RBFOX3: variants seen among roughly 807,000 people sequenced by gnomAD.
RBFOX3 encodes the protein RNA binding protein fox-1 homolog 3.
A neutral mutation model predicts 48.7 loss-of-function variants in RBFOX3; 17 were observed. That is an observed-to-expected ratio of 0.35 (90% CI 0.24 to 0.52). The LOEUF (loss-of-function observed/expected upper bound fraction) is 0.52. Among genes scored for constraint, RBFOX3 ranks in the 20% least tolerant of loss-of-function variants. The probability of loss-of-function intolerance (pLI) is 0.94; values close to 1 mark genes in which losing one functional copy is unlikely to be tolerated. For missense variants in RBFOX3, 382 were observed against 497.5 expected (o/e 0.77, Z 2.21); for synonymous variants, 212 against 209.5 (o/e 1.01, Z -0.10).
chr17:79,238,711 C>T (rs1226897753), intron 3 of RBFOX3, among the ~76,000 whole-genome samples: 3 of 152,204 alleles, frequency 2.0e-5, no homozygotes, highest in African/African-American at 7.2e-5. Context: ...CTTGAGTTCT[C>T]TTAAATGTGT....
intron 2 of RBFOX3, among the ~76,000 whole-genome samples, chr17:79,463,487 G>T (rs879976257): frequency 2.1e-5 from 1 of 46,740 alleles, no homozygotes; most frequent in African/African-American, 6.8e-5. Flanking sequence ...CACTGCCATC[G>T]CCACTGCCAC....
Position 79,156,440 on chromosome 17 carries a change from G to A in RBFOX3, c.-33-40692C>T, listed in dbSNP as rs546141671. ...GAGGCCTGGCAGCCCCACACACTGC[G>A]GGGGCAGGGGAGAACCTCGCCTGAG... is the stretch of plus-strand genomic sequence containing the variant. On this transcript the variant is annotated intron_variant, in intron 4 of 14. Coordinates refer to ENST00000693108, the MANE Select transcript of RBFOX3 (RefSeq NM_001350451.2). Among the ~76,000 whole-genome samples, 92 of 152,208 alleles carry A rather than the reference G, an allele frequency of 6.0e-4. 1 individual carries two copies. Among genetic ancestry groups the A allele is most frequent in the African/African-American group, 2.0e-3 (83 of 41,528 alleles).
chr17:79,123,792 C>T (rs1031956870), intron 4 of RBFOX3, among the ~76,000 whole-genome samples: 5 of 152,138 alleles, frequency 3.3e-5, no homozygotes, highest in Non-Finnish European at 7.4e-5. Context: ...TTTGGCCAGC[C>T]CCCGCCTTCA....
intron 4 of RBFOX3, among the ~76,000 whole-genome samples, chr17:79,118,579 G>T (rs887280685): frequency 5.9e-5 from 9 of 152,104 alleles, no homozygotes; most frequent in Non-Finnish European, 1.2e-4. Flanking sequence ...TGCAGACACA[G>T]GGGAGATGAA....
intron 1 of RBFOX3, among the ~76,000 whole-genome samples, chr17:79,489,863 T>C (rs1426239696): frequency 1.3e-5 from 2 of 152,152 alleles, no homozygotes; most frequent in African/African-American, 4.8e-5. Context: ...ATCACCCCAA[T>C]TCCTCCTCAG....
At chr17:79,382,332 T>G (rs1294884151) in intron 2 of RBFOX3, among the ~76,000 whole-genome samples, 1 of 152,230 alleles carries the variant, frequency 6.6e-6, no homozygotes, top group Non-Finnish European at 1.5e-5. Flanking sequence ...TGGGGGGCTC[T>G]AGACCACTCC....
At chr17:79,295,561 T>C (rs904667484) in intron 3 of RBFOX3, among the ~76,000 whole-genome samples, 1 of 152,220 alleles carries the variant, frequency 6.6e-6, no homozygotes, top group Non-Finnish European at 1.5e-5. Flanking sequence ...ACTCAGGGTC[T>C]GAGTGCGGGC....
chr17:79,582,828 G>T (rs1225159658), intron 1 of RBFOX3, among the ~76,000 whole-genome samples: 4 of 149,820 alleles, frequency 2.7e-5, no homozygotes, highest in African/African-American at 4.9e-5. Flanking sequence ...TTCCTGGAAG[G>T]ACCTGAGTGG....
At position 79,610,826 on chromosome 17, in the gene RBFOX3, G is replaced by C. The variant is rs1306534103; in HGVS notation, c.-320C>G. 6.6e-6 allele frequency among the ~76,000 whole-genome samples: 1 copy of C among 151,784 alleles called. No individual in the cohort carries two copies. Among genetic ancestry groups the C allele is most frequent in the African/African-American group, 2.4e-5 (1 of 41,374 alleles). ...CGGGCGACGAGGCCAGGCTACTCAC[G>C]GGCTCAGCGCTCCCCGCGGCAGGTG... On this transcript the variant is annotated splice_region_variant and 5_prime_UTR_variant, in exon 1 of 15. Coordinates refer to ENST00000693108, the MANE Select transcript of RBFOX3 (RefSeq NM_001350451.2).
intron 2 of RBFOX3, among the ~76,000 whole-genome samples, chr17:79,428,902 T>C (rs1555726976): frequency 6.6e-6 from 1 of 152,238 alleles, no homozygotes; most frequent in African/African-American, 2.4e-5. Context: ...TTGCACAGTA[T>C]ATTGGAGCTT....
chr17:79,441,061 C>A (rs1250532657), intron 2 of RBFOX3, among the ~76,000 whole-genome samples: 1 of 152,298 alleles, frequency 6.6e-6, no homozygotes, highest in African/African-American at 2.4e-5. Flanking sequence ...GGAGAGGATG[C>A]CGAGTGGATC....
chr17:79,441,241 G>A (rs1555734674), intron 2 of RBFOX3, among the ~76,000 whole-genome samples: 1 of 152,210 alleles, frequency 6.6e-6, no homozygotes, highest in East Asian at 1.9e-4. Flanking sequence ...CAGGCTCTAG[G>A]CCAGGGTCCT....
At chr17:79,453,075 T>C (rs2073838873) in intron 2 of RBFOX3, among the ~76,000 whole-genome samples, 1 of 152,176 alleles carries the variant, frequency 6.6e-6, no homozygotes, top group Non-Finnish European at 1.5e-5. Flanking sequence ...GCTTTGAGGA[T>C]CAAATGAGCG....
At chr17:79,375,135 G>A (rs1475093751) in intron 2 of RBFOX3, among the ~76,000 whole-genome samples, 2 of 152,214 alleles carry the variant, frequency 1.3e-5, no homozygotes, top group Admixed American at 1.3e-4. Flanking sequence ...ATCCCCGGGA[G>A]CAGGAACACG....
intron 4 of RBFOX3, among the ~76,000 whole-genome samples, chr17:79,122,175 G>C (rs117309764): frequency 0.021 from 3,150 of 152,208 alleles, 54 homozygotes; most frequent in Non-Finnish European, 0.031. Flanking sequence ...AACCCCACTG[G>C]CTCCGCCTCC....
intron 3 of RBFOX3, among the ~76,000 whole-genome samples, chr17:79,271,736 G>C (rs1254719623): frequency 4.5e-5 from 6 of 133,180 alleles, no homozygotes; most frequent in Non-Finnish European, 9.9e-5. Context: ...CCTAATTAAA[G>C]ACAGTAAGGA....
At position 79,381,425 on chromosome 17, in the gene RBFOX3, G is replaced by A. The variant is rs186516100; in HGVS notation, c.-174-73601C>T. ...GTACGGAGTCTTTGAAGCCCAGCGC[G>A]TGTGTCCCCATCACAGCACCTCTCT... is the stretch of plus-strand genomic sequence containing the variant. On this transcript the variant is annotated intron_variant, in intron 2 of 14. Transcript: ENST00000693108. Among the ~76,000 whole-genome samples, 121 of 152,286 alleles carry A rather than the reference G, an allele frequency of 7.9e-4. 1 individual carries two copies. Among genetic ancestry groups the A allele is most frequent in the African/African-American group, 4.6e-4 (19 of 41,550 alleles).
At chr17:79,657,788 G>A in the RBFOX3 span, among the ~76,000 whole-genome samples, 1 of 152,194 alleles carries the variant, frequency 6.6e-6, no homozygotes, top group Non-Finnish European at 1.5e-5. Context: ...GAATGCAGAG[G>A]TTACAATGCA....
intron 2 of RBFOX3, among the ~76,000 whole-genome samples, chr17:79,476,049 G>T (rs1207295438): frequency 2.6e-5 from 4 of 152,326 alleles, no homozygotes; most frequent in East Asian, 3.9e-4. Context: ...TGTCCTGGGG[G>T]CTGCACCTGA....
Sources: allele counts gnomAD v4.1 joint callset (sites outside exome capture counted in the v4.1 genomes callset), GRCh38; gene constraint gnomAD v4.1.1; transcripts MANE v1.5; gene names NCBI Gene and HGNC (gene_info 2026-07-23, HGNC 2026-07-21).